SLCO2A1: variants seen among roughly 807,000 people sequenced by gnomAD.
SLCO2A1 encodes the protein matrin F/G 1.
SLCO2A1 carries 60 observed loss-of-function variants against 71.7 expected under a neutral mutation model. That is an observed-to-expected ratio of 0.84 (90% confidence interval 0.68 to 1.04). The LOEUF (loss-of-function observed/expected upper bound fraction) is 1.04. Among genes scored for constraint, SLCO2A1 ranks in the 50% least tolerant of loss-of-function variants. SLCO2A1 has a pLI of 0.00. For synonymous variants in SLCO2A1, 308 were observed against 326.7 expected (o/e 0.94, Z 0.62); for missense variants, 745 against 813.4 (o/e 0.92, Z 1.02).
intron 1 of SLCO2A1, among the ~76,000 whole-genome samples, chr3:134,029,214 T>C (rs1935765574): frequency 6.6e-6 from 1 of 151,962 alleles, no homozygotes; most frequent in African/African-American, 2.4e-5. Flanking sequence ...GAACATCCCT[T>C]AGGCCACCCA....
At chr3:133,999,737 C>T (rs972621588) in intron 1 of SLCO2A1, among the ~76,000 whole-genome samples, 1 of 151,796 alleles carries the variant, frequency 6.6e-6, no homozygotes, top group African/African-American at 2.4e-5. Flanking sequence ...TCCTAGGAGA[C>T]AAGATGAGGA....
intron 11 of SLCO2A1, 135 bp downstream of exon 11, chr3:133,942,470 G>A: frequency 1.1e-6 from 1 of 912,604 alleles, no homozygotes; most frequent in Non-Finnish European, 1.6e-6. Flanking sequence ...AAAGAACCTT[G>A]CACATTGTCA....
chr3:133,998,005 G>C (rs1032841530), intron 1 of SLCO2A1, among the ~76,000 whole-genome samples: 16 of 152,190 alleles, frequency 1.1e-4, no homozygotes, highest in Non-Finnish European at 2.4e-4. Context: ...GGAGGTGCTG[G>C]CTGTCTTATG....
At chr3:133,956,594 T>A (rs989790910) in intron 3 of SLCO2A1, among the ~76,000 whole-genome samples, 22 of 152,224 alleles carry the variant, frequency 1.4e-4, no homozygotes, top group African/African-American at 5.1e-4. Flanking sequence ...GGGACTGTAG[T>A]CAGGGTCCCT....
chr3:133,979,913 A>AC (rs571486497), intron 1 of SLCO2A1, among the ~76,000 whole-genome samples: 115 of 152,142 alleles, frequency 7.6e-4, no homozygotes, highest in African/African-American at 2.6e-3. Context: ...TTGGGGACTC[A>AC]CCCCCAAGGG....
intron 9 of SLCO2A1, 95 bp downstream of exon 9, chr3:133,947,161 A>G (rs1020350702): frequency 1.9e-5 from 21 of 1,092,948 alleles, no homozygotes; most frequent in Non-Finnish European, 2.0e-5. Context: ...TACAGCAAAG[A>G]ATAGAGTTAA....
At chr3:134,014,500 T>A (rs1371369107) in intron 1 of SLCO2A1, among the ~76,000 whole-genome samples, 2 of 152,194 alleles carry the variant, frequency 1.3e-5, no homozygotes, top group Non-Finnish European at 2.9e-5. Context: ...ACCCAGGGAA[T>A]TAAGGTCCTC....
chr3:133,987,036 C>A (rs546735552), intron 1 of SLCO2A1, among the ~76,000 whole-genome samples: 2 of 152,226 alleles, frequency 1.3e-5, no homozygotes, highest in East Asian at 3.9e-4. Flanking sequence ...TGCTGTCAAC[C>A]CACTCTGATG....
intron 1 of SLCO2A1, among the ~76,000 whole-genome samples, chr3:134,026,655 T>C (rs1935706796): frequency 1.3e-5 from 2 of 152,244 alleles, no homozygotes; most frequent in Non-Finnish European, 2.9e-5. Context: ...GTCTTAAAAA[T>C]AATCACTAAT....
rs765064301 is a variant in SLCO2A1 at position 133,942,712 on chromosome 3, C to T, written c.1518G>A (p.Ser506=). 1.3e-5 allele frequency: 21 copies of T among 1,613,518 alleles called. No individual in the cohort carries two copies. The highest frequency in any genetic ancestry group is 1.0e-4 in the Admixed American group (6 of 59,928). ...GGAAGTGGGCACAGGGGACAGGGCA[C>T]GATCCTGTCTTTGCTGAAGCGGATC... ...TGGSASAKTG[S]CPVPCAHFLL... The change falls in exon 11 of 14, where the codon TCG becomes TCA. Residue 506 remains serine (S), a synonymous_variant. Transcript: ENST00000310926.
intron 2 of SLCO2A1, among the ~76,000 whole-genome samples, chr3:133,977,091 C>T (rs943177328): frequency 6.6e-6 from 1 of 152,160 alleles, no homozygotes; most frequent in Non-Finnish European, 1.5e-5. Flanking sequence ...CTCACATCCC[C>T]CCTAGCCTTC....
At chr3:133,942,564 G>A in intron 11 of SLCO2A1, 41 bp downstream of exon 11, 3 of 1,561,094 alleles carry the variant, frequency 1.9e-6, no homozygotes, top group South Asian at 1.2e-5. Flanking sequence ...ATGTGGGGAA[G>A]GAGAAGCCAC....
At chr3:134,014,672 A>G (rs1256394615) in intron 1 of SLCO2A1, among the ~76,000 whole-genome samples, 1 of 152,198 alleles carries the variant, frequency 6.6e-6, no homozygotes, top group Non-Finnish European at 1.5e-5. Context: ...GTCTGAAAGG[A>G]CCTCAGAGAT....
In SLCO2A1 at chr3:134,014,466, A is replaced by G. The variant is rs772966248; in HGVS notation, c.96+15241T>C. 3.9e-5 allele frequency among the ~76,000 whole-genome samples: 6 copies of G among 152,286 alleles called. No homozygotes were observed. The East Asian group carries it at 1.2e-3, about 29-fold the overall frequency. The stretch of plus-strand genomic sequence containing the variant: ...TTCATCTCCACCCCTGGGCAAATTT[A>G]ATCCATCCCAAACAGTAAGACACAC... On this transcript the variant is annotated intron_variant, in intron 1 of 13. Transcript: ENST00000310926.
intron 9 of SLCO2A1, among the ~76,000 whole-genome samples, chr3:133,945,509 G>T (rs1241499105): frequency 1.3e-5 from 2 of 152,184 alleles, no homozygotes; most frequent in Non-Finnish European, 2.9e-5. Flanking sequence ...TATGCTCTGG[G>T]AAGGCCTGGC....
chr3:133,969,860 C>T (rs1291687327), intron 3 of SLCO2A1, among the ~76,000 whole-genome samples: 1 of 152,092 alleles, frequency 6.6e-6, no homozygotes, highest in African/African-American at 2.4e-5. Flanking sequence ...TGCATGTCTA[C>T]CCATCATACC....
At chr3:134,003,361 T>G (rs943513486) in intron 1 of SLCO2A1, among the ~76,000 whole-genome samples, 1 of 152,134 alleles carries the variant, frequency 6.6e-6, no homozygotes, top group Non-Finnish European at 1.5e-5. Context: ...GGACACATAC[T>G]GGTAAGCCAC....
At chr3:134,021,178 C>T (rs1935568411) in intron 1 of SLCO2A1, among the ~76,000 whole-genome samples, 1 of 152,122 alleles carries the variant, frequency 6.6e-6, no homozygotes, top group Admixed American at 6.5e-5. Flanking sequence ...TTTACCTGTT[C>T]TTTGGTTTGT....
intron 1 of SLCO2A1, among the ~76,000 whole-genome samples, chr3:134,023,829 A>G (rs1188154810): frequency 1.3e-5 from 2 of 152,162 alleles, no homozygotes; most frequent in Non-Finnish European, 2.9e-5. Flanking sequence ...CCTTTCCACT[A>G]AGGTGGTCCT....
Sources: allele counts gnomAD v4.1 joint callset (sites outside exome capture counted in the v4.1 genomes callset), GRCh38; gene constraint gnomAD v4.1.1; transcripts MANE v1.5; gene names NCBI Gene and HGNC (gene_info 2026-07-23, HGNC 2026-07-21).